Variants in CNTN5 observed in about 807,000 individuals in gnomAD.
CNTN5 encodes contactin 5.
Under a neutral mutation model 129.1 loss-of-function variants are expected in CNTN5, and 77 were observed. The ratio of observed to expected loss-of-function variants is 0.60; its 90% CI spans 0.50 to 0.72. The LOEUF (loss-of-function observed/expected upper bound fraction) is 0.72, where lower values mean the gene tolerates loss of function less well. Among genes scored for constraint, CNTN5 ranks in the 30% least tolerant of loss-of-function variants. The pLI, the probability that CNTN5 is intolerant of heterozygous loss-of-function variation, is 0.00. For synonymous variants in CNTN5, 509 were observed against 465.6 expected, an observed-to-expected ratio of 1.09 and a Z score of -1.20; for missense variants, 1,478 against 1,328.8, an observed-to-expected ratio of 1.11 and a Z score of -1.75.
At chr11:99,211,411 C>T (rs185977082) in intron 1 of CNTN5, among the ~76,000 whole-genome samples, 6 of 152,134 alleles carry the variant, frequency 3.9e-5, no homozygotes, top group Admixed American at 1.3e-4. Flanking sequence ...ACAGTTCTCA[C>T]TTCCAGTAGT....
intron 13 of CNTN5, among the ~76,000 whole-genome samples, chr11:100,105,962 A>G (rs1358608529): frequency 1.3e-5 from 2 of 152,174 alleles, no homozygotes; most frequent in Non-Finnish European, 2.9e-5. Context: ...ATGCTTAATT[A>G]TACTAACAAA....
At chr11:99,170,976 A>G (rs558376654) in intron 1 of CNTN5, among the ~76,000 whole-genome samples, 2 of 152,312 alleles carry the variant, frequency 1.3e-5, no homozygotes, top group African/African-American at 2.4e-5. Context: ...TAAGGCTGCA[A>G]CTTTAAAAAT....
intron 2 of CNTN5, among the ~76,000 whole-genome samples, chr11:99,425,570 C>T (rs1246072120): frequency 6.6e-6 from 1 of 152,236 alleles, no homozygotes; most frequent in Admixed American, 6.5e-5. Flanking sequence ...GTGCACACTC[C>T]CTGGTTTGCA....
rs146855979 is a variant in CNTN5 at position 99,810,553 on chromosome 11, A to T, written c.56-8991A>T. ...ATTTCTTGGAGAAAGTGCTGAGTTG[A>T]GACATAGAGTACATCTGATTTGGGC... On this transcript the variant is annotated intron_variant, in intron 3 of 24. Transcript: ENST00000524871. 1.7e-4 allele frequency among the ~76,000 whole-genome samples: 26 copies of T among 152,278 alleles called. No individual in the cohort carries two copies. In the South Asian group the frequency reaches 4.6e-3, roughly 27 times the overall value.
In CNTN5 at chr11:99,355,811, G is replaced by T. The variant is rs369858739; in HGVS notation, c.-71+30327G>T. ...CATGGTCACAAATGCATCTGTCATG[G>T]TTTTTTTTTGTTTTTTTTTTTTTTG... On this transcript the variant is annotated intron_variant, in intron 2 of 24. Coordinates refer to ENST00000524871, the MANE Select transcript of CNTN5 (RefSeq NM_014361.4). 6.9e-3 allele frequency among the ~76,000 whole-genome samples: 877 copies of T among 127,900 alleles called. 14 individuals are homozygous for T. Among genetic ancestry groups the T allele is most frequent in the African/African-American group, 0.025 (790 of 32,208 alleles). The allele number at this position is 127,900 out of a possible 152,430, so 83.9% of individuals were successfully genotyped here. A position where few individuals can be genotyped will look rare whatever the true frequency, so the allele number is the denominator to read the frequency against.
At chr11:99,329,947 AC>A in intron 2 of CNTN5, among the ~76,000 whole-genome samples, 1 of 145,320 alleles carries the variant, frequency 6.9e-6, no homozygotes, top group Non-Finnish European at 1.5e-5. Flanking sequence ...ACACACACAC[AC>A]ACACACACAA....
intron 13 of CNTN5, among the ~76,000 whole-genome samples, chr11:100,151,592 C>T (rs763948891): frequency 3.3e-5 from 5 of 152,094 alleles, no homozygotes; most frequent in African/African-American, 4.8e-5. Context: ...GGTTTCCCTA[C>T]GTTAATTTGA....
intron 1 of CNTN5, among the ~76,000 whole-genome samples, chr11:99,122,486 C>T (rs1411116330): frequency 6.6e-6 from 1 of 151,924 alleles, no homozygotes; most frequent in Non-Finnish European, 1.5e-5. Flanking sequence ...TACCAGTATA[C>T]CCAGTTTCAG....
At chr11:100,328,885 A>G (rs1461217734) in intron 21 of CNTN5, among the ~76,000 whole-genome samples, 6 of 152,232 alleles carry the variant, frequency 3.9e-5, no homozygotes, top group Non-Finnish European at 2.9e-5. Flanking sequence ...TTGTGCTCCA[A>G]GAACTACCAA....
chr11:99,116,709 A>G (rs1858062585), intron 1 of CNTN5, among the ~76,000 whole-genome samples: 1 of 152,232 alleles, frequency 6.6e-6, no homozygotes, highest in African/African-American at 2.4e-5. Flanking sequence ...ATGTATAAAA[A>G]TAATATCTGA....
intron 3 of CNTN5, among the ~76,000 whole-genome samples, chr11:99,629,403 C>A (rs1408095436): frequency 2.0e-5 from 3 of 151,910 alleles, no homozygotes; most frequent in Non-Finnish European, 4.4e-5. Context: ...TGTTTGAGGT[C>A]TTTACTCTTC....
At chr11:99,534,073 A>G (rs1947812906) in intron 2 of CNTN5, among the ~76,000 whole-genome samples, 1 of 152,194 alleles carries the variant, frequency 6.6e-6, no homozygotes, top group Non-Finnish European at 1.5e-5. Flanking sequence ...TTGTAAATAT[A>G]ATGTGTAAAT....
intron 1 of CNTN5, among the ~76,000 whole-genome samples, chr11:99,259,387 C>T (rs1387566547): frequency 6.6e-6 from 1 of 151,674 alleles, no homozygotes; most frequent in Non-Finnish European, 1.5e-5. Flanking sequence ...TGTAATGTCA[C>T]CATTTTTTTG....
intron 7 of CNTN5, among the ~76,000 whole-genome samples, chr11:99,930,637 G>A (rs1162207542): frequency 6.6e-6 from 1 of 152,098 alleles, no homozygotes; most frequent in Admixed American, 6.6e-5. Flanking sequence ...TTGTGTATAC[G>A]TAGGCCACTT....
At chr11:99,806,309 A>G (rs112200571) in intron 3 of CNTN5, among the ~76,000 whole-genome samples, 5 of 152,254 alleles carry the variant, frequency 3.3e-5, no homozygotes, top group African/African-American at 1.2e-4. Flanking sequence ...TTACTTGAAA[A>G]TTATTTGTCC....
At chr11:100,039,110 T>C (rs1942221490) in intron 9 of CNTN5, among the ~76,000 whole-genome samples, 1 of 152,222 alleles carries the variant, frequency 6.6e-6, no homozygotes. Context: ...CTGGTTCCGG[T>C]TGTTCCTTTC....
chr11:99,924,146 A>G (rs540517323), intron 7 of CNTN5, among the ~76,000 whole-genome samples: 50 of 152,310 alleles, frequency 3.3e-4, no homozygotes, highest in African/African-American at 1.2e-3. Flanking sequence ...ATAAGATGGT[A>G]TCTCATTGCG....
intron 13 of CNTN5, among the ~76,000 whole-genome samples, chr11:100,184,684 C>A (rs540827927): frequency 6.6e-6 from 1 of 152,180 alleles, no homozygotes; most frequent in African/African-American, 2.4e-5. Context: ...AGACTTCTAA[C>A]CAAAAGAATA....
At chr11:99,919,272 A>G (rs1453459110) in intron 7 of CNTN5, among the ~76,000 whole-genome samples, 2 of 152,014 alleles carry the variant, frequency 1.3e-5, no homozygotes, top group Non-Finnish European at 2.9e-5. Context: ...GCTGTAGTTC[A>G]TCTTTTTTTG....
Sources: gnomAD v4.1 joint callset for allele counts (sites outside exome capture counted in the v4.1 genomes callset) on GRCh38, gnomAD v4.1.1 for gene constraint, MANE v1.5 for transcripts, NCBI Gene and HGNC (gene_info 2026-07-23, HGNC 2026-07-21) for gene names.